TRIP12: variants seen among roughly 807,000 people sequenced by gnomAD.
TRIP12 encodes the protein E3 ubiquitin-protein ligase TRIP12.
A neutral mutation model predicts 244.2 loss-of-function variants in TRIP12; 25 were observed. That is an observed-to-expected ratio of 0.10 (90% CI 0.07 to 0.14). The LOEUF is 0.14. Ranked by LOEUF, TRIP12 falls within the 10% of genes least tolerant of loss-of-function variation. The pLI is 1.00. For synonymous variants in TRIP12, 905 were observed against 873.1 expected, an observed-to-expected ratio of 1.04 and a Z score of -0.64; for missense variants, 1,677 against 2,486.4, an observed-to-expected ratio of 0.67 and a Z score of 6.92.
chr2:229,784,168 T>C (rs1461288798), intron 34 of TRIP12, among the ~76,000 whole-genome samples: 1 of 148,662 alleles, frequency 6.7e-6, no homozygotes, highest in African/African-American at 2.5e-5. Flanking sequence ...TACTACCTGA[T>C]TATGACTTAC....
chr2:229,864,858 G>A (rs909266950), intron 2 of TRIP12, among the ~76,000 whole-genome samples: 1 of 152,154 alleles, frequency 6.6e-6, no homozygotes, highest in Admixed American at 6.5e-5. Flanking sequence ...AGCCTCAAAT[G>A]CCTCTGAGTG....
At chr2:229,836,668 T>C (rs1279558095) in intron 6 of TRIP12, among the ~76,000 whole-genome samples, 180 bp downstream of exon 6, 15 of 152,146 alleles carry the variant, frequency 9.9e-5, no homozygotes, top group East Asian at 1.9e-4. Flanking sequence ...TAGAGCAAAT[T>C]TGGATGAGAA....
chr2:229,874,701 A>T (rs1235816938), intron 2 of TRIP12, among the ~76,000 whole-genome samples: 1 of 152,222 alleles, frequency 6.6e-6, no homozygotes, highest in East Asian at 1.9e-4. Context: ...AGCTACACGT[A>T]TAGAAAAGAC....
chr2:229,846,304 A>C (rs1427824169), intron 4 of TRIP12, among the ~76,000 whole-genome samples: 2 of 152,280 alleles, frequency 1.3e-5, no homozygotes, highest in East Asian at 3.9e-4. Context: ...AAACTTCCAC[A>C]ATCACACCAA....
Position 229,814,261 on chromosome 2 carries a change from C to T in TRIP12, c.1796G>A (p.Arg599Gln), listed in dbSNP as rs1324698211. ...CTGTAGAATGGCTTTACTATGTCTC[C>T]GTGACAACATCTCCAAGGCAGTCAA... Reference protein sequence around the residue: ...QALTALEMLSRRHSKAILQAG... With the variant: ...QALTALEMLSQRHSKAILQAG... The change falls in exon 12 of 42, where the codon CGG (arginine) becomes CAG (glutamine). Residue 599 changes from arginine to glutamine, a missense_variant. By Grantham distance (43) the Arg-to-Gln change is conservative (BLOSUM62 1). Around this residue, in one of 11 missense-constraint regions of TRIP12, gnomAD observed 572 missense variants for 867.8 expected, o/e 0.66. Transcript: ENST00000675903. The T allele has an allele frequency of 3.1e-6, 5 of 1,614,142 alleles. No individual in the cohort carries two copies. The highest frequency in any genetic ancestry group is 4.2e-6 in the Non-Finnish European group (5 of 1,180,002).
chr2:229,872,525 C>G (rs2062842690), intron 2 of TRIP12, among the ~76,000 whole-genome samples: 1 of 152,118 alleles, frequency 6.6e-6, no homozygotes, highest in Non-Finnish European at 1.5e-5. Context: ...GATCCCACCA[C>G]TGCACTCCAG....
chr2:229,797,953 C>A (rs2043221758), intron 23 of TRIP12, 122 bp from the exon 24 acceptor site: 1 of 984,478 alleles, frequency 1.0e-6, no homozygotes, highest in Admixed American at 3.0e-5. Context: ...AGTTTAAAAA[C>A]TCCAGATTCC....
rs6687 is a variant in TRIP12, at chr2:229,767,552, G to A, written c.*2C>T. On this transcript the variant is annotated 3_prime_UTR_variant, in exon 42 of 42. Coordinates refer to ENST00000675903, the MANE Select transcript of TRIP12 (RefSeq NM_001348323.3). ...AGGCAGACACTGCATTTCTTGCTATGATCAGGAAAGATGGAACGACTGCTG... is the reference window on the plus strand; with the variant it reads ...AGGCAGACACTGCATTTCTTGCTATAATCAGGAAAGATGGAACGACTGCTG... 222,386 of 1,603,182 alleles carry A rather than the reference G, an allele frequency of 0.14. 16,287 individuals carry two copies. Among genetic ancestry groups the A allele is most frequent in the Admixed American group, 0.22 (12,651 of 58,266 alleles).
At chr2:229,854,878 C>T (rs1055743634) in intron 4 of TRIP12, among the ~76,000 whole-genome samples, 9 of 152,316 alleles carry the variant, frequency 5.9e-5, no homozygotes, top group Admixed American at 3.3e-4. Context: ...GGTTTTAACT[C>T]GGCTTTGTCA....
chr2:229,900,245 G>A (rs2070290050), intron 1 of TRIP12, among the ~76,000 whole-genome samples: 1 of 152,170 alleles, frequency 6.6e-6, no homozygotes, highest in African/African-American at 2.4e-5. Context: ...TTCGCAAAAA[G>A]TAGAGTCATC....
At chr2:229,919,533 TTTTTA>T (rs757098934) in intron 1 of TRIP12, among the ~76,000 whole-genome samples, 26 of 152,194 alleles carry the variant, frequency 1.7e-4, no homozygotes, top group Non-Finnish European at 3.1e-4. Flanking sequence ...TCCCATTCGT[TTTTTA>T]AATGTAACTA....
At position 229,793,161 on chromosome 2, in the gene TRIP12, G is replaced by GA. The variant is rs771130278; in HGVS notation, c.3969-17dup. ...GAGAGAAAAGCTCAAGATAATTTGT[G>GA]AAAAAAAAGTTAGTCTATTATTTTC... On this transcript the variant is annotated splice_polypyrimidine_tract_variant and intron_variant, in intron 26 of 41. Transcript: ENST00000675903. 595 of 1,588,214 alleles carry GA rather than the reference G, an allele frequency of 3.7e-4. 2 individuals carry two copies. The highest frequency in any genetic ancestry group is 1.7e-4 in the Middle Eastern group (1 of 5,802).
intron 1 of TRIP12, chr2:229,894,275 C>T (rs909470653): frequency 1.3e-5 from 2 of 152,136 alleles, no homozygotes; most frequent in Non-Finnish European, 2.9e-5. Context: ...CTGCACCCCC[C>T]GCCGACTTTC....
Position 229,767,762 on chromosome 2 carries a change from AAAAAG to A in TRIP12, c.6008-17_6008-13del. On this transcript the variant is annotated splice_polypyrimidine_tract_variant and intron_variant, in intron 41 of 41. Transcript: ENST00000675903. ...CAAACTCCGGAATCCTGATTAAGAGAAAAAGAAAGACAAGGAACTTAAGTTTTTAA... is the reference window on the plus strand; with the variant it reads ...CAAACTCCGGAATCCTGATTAAGAGAAAAGACAAGGAACTTAAGTTTTTAA... 1.9e-6 allele frequency: 3 copies of A among 1,597,388 alleles called. No homozygotes were observed. The highest frequency in any genetic ancestry group is 2.6e-6 in the Non-Finnish European group (3 of 1,174,478).
At position 229,787,516 on chromosome 2, in the gene TRIP12, C is replaced by A; in HGVS notation, c.4984G>T (p.Asp1662Tyr). 6.3e-7 allele frequency: 1 copy of A among 1,598,104 alleles called. No individual in the cohort carries two copies. Among genetic ancestry groups the A allele is most frequent in the Non-Finnish European group, 8.5e-7 (1 of 1,175,622 alleles). Residue 1662 changes from aspartate (D) to tyrosine (Y), a missense_variant, in exon 33 of 42, where the codon GAT becomes TAT. Asp to Tyr is a radical substitution (Grantham distance 160). Around this residue, in one of 11 missense-constraint regions of TRIP12, gnomAD observed 30 missense variants for 64.7 expected, o/e 0.46. Coordinates refer to ENST00000675903, the MANE Select transcript of TRIP12 (RefSeq NM_001348323.3). ...GGGGAGAAACTTACTTTTTTTCTAT[C>A]CAATCTAGGTGCAACTCTGCTATCT... ...SQDSRVAPRL[D>Y]RKKRTVNREE...
chr2:229,850,740 G>C (rs559614744), intron 4 of TRIP12, among the ~76,000 whole-genome samples: 1 of 152,346 alleles, frequency 6.6e-6, no homozygotes, highest in South Asian at 2.1e-4. Context: ...GTGGGAACGG[G>C]GGCTGCACCC....
intron 13 of TRIP12, among the ~76,000 whole-genome samples, chr2:229,812,900 A>G (rs2047615460): frequency 6.6e-6 from 1 of 152,226 alleles, no homozygotes. Context: ...TGTAATGGCA[A>G]TTTTAAAGCC....
rs981241633 is a variant in TRIP12 at position 229,791,951 on chromosome 2, G to C, written c.4330C>G (p.Gln1444Glu). The change falls in exon 29 of 42, where the codon CAG (glutamine) becomes GAG (glutamate). Residue 1444 changes from glutamine to glutamate, a missense_variant. By Grantham distance (29) the Gln-to-Glu change is conservative. This residue lies in a region of TRIP12 where 265 missense variants were observed against 370.8 expected (regional missense o/e 0.71). Transcript: ENST00000675903. ...VYQAVRQFSI[Q>E]AEDERESTDD... ...GTGGATTCTCTTTCATCTTCAGCCT[G>C]TATACTAAACTGCCGTACTGCCTGA... 7.4e-6 allele frequency: 12 copies of C among 1,613,960 alleles called. No individual in the cohort carries two copies. The highest frequency in any genetic ancestry group is 1.3e-5 in the African/African-American group (1 of 74,890).
intron 34 of TRIP12, among the ~76,000 whole-genome samples, chr2:229,784,345 T>C (rs1269071852): frequency 1.3e-5 from 2 of 150,738 alleles, no homozygotes; most frequent in Non-Finnish European, 3.0e-5. Flanking sequence ...GAATAGCCTA[T>C]GTCTGAAAGA....
Sources: allele counts gnomAD v4.1 joint callset (sites outside exome capture counted in the v4.1 genomes callset), GRCh38; gene constraint gnomAD v4.1.1; regional missense constraint gnomAD v4.1.1; transcripts MANE v1.5; gene names NCBI Gene and HGNC (gene_info 2026-07-23, HGNC 2026-07-21).